SHANK1: variants seen among roughly 807,000 people sequenced by gnomAD.
SHANK1 encodes SH3 and multiple ankyrin repeat domains 1.
A neutral mutation model predicts 165.6 loss-of-function variants in SHANK1; 35 were observed. The observed-to-expected ratio is 0.21, with a 90% CI of 0.16 to 0.28. The LOEUF is 0.28. SHANK1 is among the 10% of genes least tolerant of loss of function. SHANK1 has a pLI of 1.00. For synonymous variants in SHANK1, 1,428 were observed against 1,384.8 expected (o/e 1.03, Z -0.69); for missense variants, 2,681 against 3,036.4 (o/e 0.88, Z 2.75).
Position 50,697,114 on chromosome 19 carries a change from T to TCCATTAAG in SHANK1, c.1938_1945dup (p.Asp649AlafsTer2). 6.2e-7 allele frequency: 1 copy of TCCATTAAG among 1,607,866 alleles called. No individual in the cohort carries two copies. The highest frequency in any genetic ancestry group is 2.2e-5 in the East Asian group (1 of 44,580). On this transcript the variant is annotated stop_gained and frameshift_variant, in exon 15 of 24. Coordinates refer to ENST00000293441, the MANE Select transcript of SHANK1 (RefSeq NM_016148.5). LOFTEE classifies it high-confidence loss of function. This position sits in a 1 kb window ranked among gnomAD's most constrained non-coding sequence, Gnocchi z 4.7. ...CTCTCACCTCCCTGGGCCAATCCCA[T>TCCATTAAG]CCATTAAGCTTCCGAAGCAAGTCAG...
intron 23 of SHANK1, among the ~76,000 whole-genome samples, chr19:50,665,333 G>A (rs758758780): frequency 6.6e-6 from 1 of 151,838 alleles, no homozygotes; most frequent in Non-Finnish European, 1.5e-5. Flanking sequence ...GGAGACCGAG[G>A]TGGGATGAAT....
chr19:50,662,121 C>T lies in SHANK1; in HGVS notation c.6330G>A (p.Leu2110=). 6.2e-7 allele frequency: 1 copy of T among 1,613,914 alleles called. No individual in the cohort carries two copies. The highest frequency in any genetic ancestry group is 1.7e-4 in the Middle Eastern group (1 of 6,060). The change falls in exon 24 of 24, where the codon CTG becomes CTA. Residue 2110 remains leucine (L), a synonymous_variant. Transcript: ENST00000293441. This position sits in a 1 kb window ranked among gnomAD's most constrained non-coding sequence, Gnocchi z 7.7. ...KFDVADWLEW[L]GLAEHRAQFL... ...ACTGGGCTCGGTGCTCCGCCAAACC[C>T]AGCCACTCCAGCCAATCAGCCACGT...
In SHANK1 at chr19:50,687,149, G is replaced by A. The variant is rs1330646698; in HGVS notation, c.2390-337C>T. 5.9e-5 allele frequency: 36 copies of A among 607,082 alleles called. No homozygotes were observed. The East Asian group carries it at 1.1e-3, about 19-fold the overall frequency. 37.6% of individuals were successfully genotyped at this position (607,082 alleles called of 1,614,324 possible). On this transcript the variant is annotated intron_variant, in intron 19 of 23. Transcript: ENST00000293441. ...CCCTCGGGGCCCCGGGGTGGGGGCG[G>A]TCAGCTGTCCGACCAGCCCCCTGTC...
chr19:50,698,117 A>T (rs191571316), intron 12 of SHANK1, among the ~76,000 whole-genome samples, 161 bp from the exon 13 acceptor site: 20 of 152,326 alleles, frequency 1.3e-4, no homozygotes, highest in Non-Finnish European at 2.1e-4. Flanking sequence ...GGGGAGACCC[A>T]TATCATATCA....
intron 21 of SHANK1, among the ~76,000 whole-genome samples, chr19:50,678,642 G>A (rs539907861): frequency 7.5e-5 from 11 of 146,610 alleles, no homozygotes; most frequent in African/African-American, 2.8e-4. Context: ...TGACAGAGTA[G>A]GAGTCAGAGT....
In SHANK1 at chr19:50,719,591, C is replaced by A. The variant is rs1254022895; in HGVS notation, c.-229G>T. 6.7e-5 allele frequency: 10 copies of A among 148,546 alleles called. No individual in the cohort carries two copies. The highest frequency in any genetic ancestry group is 3.6e-3 in the Middle Eastern group (1 of 280). The allele number at this position is 148,546 out of a possible 1,614,324, so 9.2% of individuals were successfully genotyped here. A position where few individuals can be genotyped will look rare whatever the true frequency, so the allele number is the denominator to read the frequency against. Reference sequence around the variant, plus strand: ...GGCGGGAGGGCCGAGGACCTCACCCCCCCCGCGGGCCGGGCCTGGCCATCC... The same window carrying A: ...GGCGGGAGGGCCGAGGACCTCACCCACCCCGCGGGCCGGGCCTGGCCATCC... On this transcript the variant is annotated 5_prime_UTR_variant, in exon 1 of 24. Transcript: ENST00000293441.
chr19:50,669,076 G>A lies in SHANK1; in HGVS notation c.2884C>T (p.Leu962Phe). ...GPFNPGSGGP[L>F]PASSPASFDG... The stretch of plus-strand genomic sequence containing the variant: ...AAGGATGCAGGGGAGGAGGCGGGGA[G>A]GGGGCCACCAGAGCCAGGGTTGAAG... Residue 962 changes from leucine (L) to phenylalanine (F), a missense_variant, in exon 23 of 24, where the codon CTC becomes TTC. This residue lies in a region of SHANK1 where 1,713 missense variants were observed against 1,630.2 expected (regional missense o/e 1.05). Transcript: ENST00000293441. 7.9e-7 allele frequency: 1 copy of A among 1,267,842 alleles called. No homozygotes were observed. Among genetic ancestry groups the A allele is most frequent in the Non-Finnish European group, 1.1e-6 (1 of 935,200 alleles). The allele number at this position is 1,267,842 out of a possible 1,614,324, so 78.5% of individuals were successfully genotyped here.
At position 50,670,101 on chromosome 19, in the gene SHANK1, C is replaced by G. The variant is rs971935283; in HGVS notation, c.2675-816G>C. 6.6e-6 allele frequency among the ~76,000 whole-genome samples: 1 copy of G among 152,060 alleles called. No individual in the cohort carries two copies. Among genetic ancestry groups the G allele is most frequent in the Non-Finnish European group, 1.5e-5 (1 of 68,016 alleles). ...GGCCCCTATATTCAAATACCCACAC[C>G]CAGCTGGCTGTCTCACGGGCATCTC... On this transcript the variant is annotated intron_variant, in intron 22 of 23. Coordinates refer to ENST00000293441, the MANE Select transcript of SHANK1 (RefSeq NM_016148.5). This position sits in a 1 kb window ranked among gnomAD's most constrained non-coding sequence, Gnocchi z 4.1.
intron 9 of SHANK1, 106 bp downstream of exon 9, chr19:50,704,331 G>T: frequency 7.5e-7 from 1 of 1,327,128 alleles, no homozygotes; most frequent in South Asian, 1.2e-5. Flanking sequence ...CCCCTCCACG[G>T]CCTGTCTCCT....
intron 8 of SHANK1, among the ~76,000 whole-genome samples, chr19:50,706,953 T>C (rs910125111): frequency 6.6e-6 from 1 of 151,960 alleles, no homozygotes; most frequent in Non-Finnish European, 1.5e-5. Flanking sequence ...AATTTTTGTA[T>C]TTTTAGTAGA....
intron 8 of SHANK1, among the ~76,000 whole-genome samples, chr19:50,706,619 G>A (rs2088941020): frequency 1.3e-5 from 2 of 151,474 alleles, no homozygotes; most frequent in African/African-American, 2.4e-5. Context: ...TGCTCCCTCT[G>A]CTTGGAATCC....
intron 15 of SHANK1, among the ~76,000 whole-genome samples, chr19:50,694,602 G>A: frequency 9.2e-6 from 1 of 109,020 alleles, no homozygotes; most frequent in African/African-American, 3.5e-5. Flanking sequence ...AGCAGAGGGG[G>A]GCCTGGAAGG....
chr19:50,664,520 T>C (rs1220659275), intron 23 of SHANK1, among the ~76,000 whole-genome samples: 2 of 152,218 alleles, frequency 1.3e-5, no homozygotes, highest in African/African-American at 4.8e-5. Context: ...GGGCTGGCAC[T>C]AGGCCATTCC....
chr19:50,687,064 A>G (rs776333203), intron 19 of SHANK1: 2 of 1,434,322 alleles, frequency 1.4e-6, no homozygotes, highest in East Asian at 5.6e-5. Flanking sequence ...GAGGCAGTAG[A>G]GGAGCCAAGA....
chr19:50,716,233 G>C lies in SHANK1; in HGVS notation c.459+42C>G, dbSNP rs751036665. On this transcript the variant is annotated intron_variant, in intron 3 of 23. Transcript: ENST00000293441. The surrounding 1 kb of genome is among the most constrained non-coding windows in gnomAD (Gnocchi z 8.4). Reference sequence around the variant, plus strand: ...GGGTGGGGGGCAGATGTGTTTTAGGGCATGCCTTCTCTTATCAGTGAAGGA... The same window carrying C: ...GGGTGGGGGGCAGATGTGTTTTAGGCCATGCCTTCTCTTATCAGTGAAGGA... The C allele has an allele frequency of 2.3e-5, 37 of 1,578,118 alleles. No homozygotes were observed. The African/African-American group carries it at 4.2e-4, about 18-fold the overall frequency.
rs1985158012 is a variant in SHANK1 at position 50,660,445 on chromosome 19, C to A, written c.*1520G>T. On this transcript the variant is annotated 3_prime_UTR_variant, in exon 24 of 24. Transcript: ENST00000293441. ...GAAGCCAGTGTGCATAGGGTCTTCT[C>A]TCACCAGGAAGAGAAAGAGCTTAAG... is the stretch of plus-strand genomic sequence containing the variant. Among the ~76,000 whole-genome samples the A allele has an allele frequency of 6.6e-6, 1 of 151,936 alleles. No individual in the cohort carries two copies. The highest frequency in any genetic ancestry group is 2.4e-5 in the African/African-American group (1 of 41,364).
At chr19:50,691,741 A>G (rs1489887747) in intron 15 of SHANK1, among the ~76,000 whole-genome samples, 3 of 152,330 alleles carry the variant, frequency 2.0e-5, no homozygotes, top group South Asian at 2.1e-4. Flanking sequence ...CAGTGGCACA[A>G]TTATAGCTCA....
intron 21 of SHANK1, among the ~76,000 whole-genome samples, chr19:50,682,741 TAGTG>T: frequency 6.6e-6 from 1 of 152,308 alleles, no homozygotes; most frequent in South Asian, 2.1e-4. Context: ...CTGAATAATT[TAGTG>T]AGTGAATATG....
At chr19:50,704,590 TGTGC>T in intron 8 of SHANK1, 76 bp from the exon 9 acceptor site, 1 of 1,302,462 alleles carries the variant, frequency 7.7e-7, no homozygotes, top group Non-Finnish European at 1.1e-6. Context: ...ATGCAGGTTC[TGTGC>T]TAAGAGCCTC....
Sources: allele counts gnomAD v4.1 joint callset (sites outside exome capture counted in the v4.1 genomes callset), GRCh38; gene constraint gnomAD v4.1.1; regional missense constraint gnomAD v4.1.1; non-coding constraint Gnocchi (gnomAD v3.1); transcripts MANE v1.5; gene names NCBI Gene and HGNC (gene_info 2026-07-23, HGNC 2026-07-21).